MARF1: variants seen among roughly 807,000 people sequenced by gnomAD.
MARF1 encodes the protein limkain-b1.
Under a neutral mutation model 168.2 loss-of-function variants are expected in MARF1, and 24 were observed. That is an observed-to-expected ratio of 0.14 (90% CI 0.10 to 0.20). MARF1 has a LOEUF of 0.20. Among genes scored for constraint, MARF1 ranks in the 10% least tolerant of loss-of-function variants. MARF1 has a pLI of 1.00. For synonymous variants in MARF1, 868 were observed against 822.4 expected (o/e 1.06, Z -0.95); for missense variants, 1,744 against 2,143.6 (o/e 0.81, Z 3.68).
chr16:15,633,544 A>G, intron 5 of MARF1, 73 bp downstream of exon 5: 2 of 1,196,992 alleles, frequency 1.7e-6, no homozygotes, highest in Non-Finnish European at 2.4e-6. Context: ...ACTCTGTCTC[A>G]AAACAAACAA....
rs8062239 is a variant in MARF1 at position 15,625,359 on chromosome 16, G to T, written c.1953+13C>A. The T allele has an allele frequency of 1.9e-6, 3 of 1,590,156 alleles. No homozygotes were observed. The highest frequency in any genetic ancestry group is 1.8e-5 in the Admixed American group (1 of 55,214). ...TACCATAAACTTCAGAAAGCAAGAGGTATCAAAATTACCTGTAAACTTTTA... is the reference window on the plus strand; with the variant it reads ...TACCATAAACTTCAGAAAGCAAGAGTTATCAAAATTACCTGTAAACTTTTA... On this transcript the variant is annotated intron_variant, in intron 8 of 26. Coordinates refer to ENST00000396368, the MANE Select transcript of MARF1 (RefSeq NM_014647.4).
chr16:15,641,391 A>C (rs2035944951), intron 1 of MARF1, among the ~76,000 whole-genome samples: 1 of 152,146 alleles, frequency 6.6e-6, no homozygotes, highest in South Asian at 2.1e-4. Flanking sequence ...TCCCCCAAAA[A>C]ACTCCTCTCA....
At chr16:15,637,668 G>A (rs186291078) in intron 2 of MARF1, among the ~76,000 whole-genome samples, 11 of 152,254 alleles carry the variant, frequency 7.2e-5, no homozygotes, top group Admixed American at 6.5e-4. Flanking sequence ...AAAGTTGACC[G>A]TGTAATTCTG....
intron 7 of MARF1, among the ~76,000 whole-genome samples, chr16:15,627,133 C>A (rs1171886350): frequency 6.6e-6 from 1 of 151,548 alleles, no homozygotes; most frequent in Non-Finnish European, 1.5e-5. Flanking sequence ...GGGGGGATCA[C>A]TTGAGCCCAG....
At chr16:15,623,274 CTTTTTTTTTTTTT>C in intron 10 of MARF1, 151 bp from the exon 11 acceptor site, 1 of 118,554 alleles carries the variant, frequency 8.4e-6, no homozygotes. Flanking sequence ...TGTTTTTAAT[CTTTTTTTTTTTTT>C]TTTTTTTTTT....
chr16:15,597,430 C>T (rs1378195531), intron 26 of MARF1, among the ~76,000 whole-genome samples: 4 of 152,184 alleles, frequency 2.6e-5, no homozygotes, highest in East Asian at 1.9e-4. Flanking sequence ...GGAAGGACTA[C>T]GCAGAGTGAG....
At chr16:15,608,605 G>A in intron 20 of MARF1, 87 bp from the exon 21 acceptor site, 1 of 912,804 alleles carries the variant, frequency 1.1e-6, no homozygotes, top group Admixed American at 2.5e-5. Context: ...AGCTAGTAAT[G>A]AAAAAACAAG....
At chr16:15,638,289 G>C (rs772148369) in intron 2 of MARF1, among the ~76,000 whole-genome samples, 9 of 151,110 alleles carry the variant, frequency 6.0e-5, no homozygotes, top group Non-Finnish European at 1.2e-4. Flanking sequence ...CATGAAGTCA[G>C]GAAATGTCAA....
chr16:15,630,265 A>T, intron 7 of MARF1, 67 bp downstream of exon 7: 1 of 1,464,630 alleles, frequency 6.8e-7, no homozygotes, highest in South Asian at 1.3e-5. Flanking sequence ...CCCCCTTATT[A>T]TGGGCTGTCT....
At chr16:15,624,596 T>C (rs1048227341) in intron 10 of MARF1, among the ~76,000 whole-genome samples, 173 bp downstream of exon 10, 3 of 152,172 alleles carry the variant, frequency 2.0e-5, no homozygotes, top group African/African-American at 7.2e-5. Context: ...GGTGAAAGCA[T>C]TGCCCCTAAA....
intron 1 of MARF1, among the ~76,000 whole-genome samples, chr16:15,642,144 C>T (rs2036030849): frequency 6.6e-6 from 1 of 152,190 alleles, no homozygotes; most frequent in African/African-American, 2.4e-5. Flanking sequence ...CCACGGGGAA[C>T]ATTTAGCAAA....
intron 26 of MARF1, among the ~76,000 whole-genome samples, chr16:15,597,620 C>G (rs1299165370): frequency 6.6e-6 from 1 of 152,204 alleles, no homozygotes; most frequent in Non-Finnish European, 1.5e-5. Flanking sequence ...GGCTCCTGCT[C>G]CCAAAGGCCC....
intron 6 of MARF1, 45 bp downstream of exon 6, chr16:15,631,336 C>T (rs2035238800): frequency 7.5e-7 from 1 of 1,330,030 alleles, no homozygotes; most frequent in Admixed American, 1.7e-5. Context: ...GATAATTTCC[C>T]ACACAGTGAG....
rs936340130 is a variant in MARF1, at chr16:15,601,557, C to T, written c.4626+434G>A. 2.3e-5 allele frequency: 6 copies of T among 257,384 alleles called. No homozygotes were observed. In the South Asian group the frequency reaches 3.2e-4, roughly 14 times the overall value. 15.9% of individuals were successfully genotyped at this position (257,384 alleles called of 1,614,324 possible). ...ACAACCCTGCATCTGCTCATGTCATCATCCCCTTTGCCCAGAATGCTCTCT... is the reference window on the plus strand; with the variant it reads ...ACAACCCTGCATCTGCTCATGTCATTATCCCCTTTGCCCAGAATGCTCTCT... On this transcript the variant is annotated intron_variant, in intron 23 of 26. Transcript: ENST00000396368.
At chr16:15,623,525 C>G (rs1301931428) in intron 10 of MARF1, among the ~76,000 whole-genome samples, 1 of 152,120 alleles carries the variant, frequency 6.6e-6, no homozygotes, top group Non-Finnish European at 1.5e-5. Context: ...AAGTGATCCA[C>G]CTGCCTCAGC....
rs774110588 is a variant in MARF1, at chr16:15,623,009, G to T, written c.2385C>A (p.Val795=). ...GGGATAATCTGTAGTCTATGTTGCT[G>T]ACTTGGACATCAGCACCATTTGCAA... is the stretch of plus-strand genomic sequence containing the variant. ...DPFANGADVQ[V]SNIDYRLSRK... is the part of the protein sequence containing the mutation. The change falls in exon 11 of 27, where the codon GTC becomes GTA. Residue 795 remains valine, a synonymous_variant. Transcript: ENST00000396368. The T allele has an allele frequency of 2.5e-6, 4 of 1,609,188 alleles. No homozygotes were observed. In the South Asian group the frequency reaches 4.4e-5, roughly 18 times the overall value.
At chr16:15,601,498 CCT>C (rs1240980023) in intron 23 of MARF1, 20 of 222,720 alleles carry the variant, frequency 9.0e-5, no homozygotes, top group Non-Finnish European at 1.5e-4. Context: ...CTCTCAGCTC[CCT>C]CTTAGCCTCT....
chr16:15,630,151 A>G (rs934311081), intron 7 of MARF1, 181 bp downstream of exon 7: 21 of 440,686 alleles, frequency 4.8e-5, no homozygotes, highest in Non-Finnish European at 8.3e-5. Flanking sequence ...AACTTCATAC[A>G]TACCAATTAT....
intron 2 of MARF1, 113 bp downstream of exon 2, chr16:15,638,977 C>T (rs964882553): frequency 1.1e-5 from 12 of 1,071,292 alleles, no homozygotes; most frequent in Non-Finnish European, 1.6e-5. Flanking sequence ...GCAAGATCTA[C>T]AGAAAAATGT....
Sources: allele counts gnomAD v4.1 joint callset (sites outside exome capture counted in the v4.1 genomes callset), GRCh38; gene constraint gnomAD v4.1.1; transcripts MANE v1.5; gene names NCBI Gene and HGNC (gene_info 2026-07-23, HGNC 2026-07-21).